The following KIF5C variants were observed in gnomAD, a reference collection of about 807,000 sequenced individuals.
KIF5C encodes the protein kinesin heavy chain isoform 5C.
A neutral mutation model predicts 125.2 loss-of-function variants in KIF5C; 18 were observed. That is an observed-to-expected ratio of 0.14 (90% CI 0.10 to 0.21). The LOEUF (loss-of-function observed/expected upper bound fraction) is 0.21, where lower values mean the gene tolerates loss of function less well. Among genes scored for constraint, KIF5C ranks in the 10% least tolerant of loss-of-function variants. The probability of loss-of-function intolerance (pLI) is 1.00; values close to 1 mark genes in which losing one functional copy is unlikely to be tolerated. For synonymous variants in KIF5C, 405 were observed against 434.0 expected, an observed-to-expected ratio of 0.93 and a Z score of 0.83; for missense variants, 780 against 1,183.8, an observed-to-expected ratio of 0.66 and a Z score of 5.01.
chr2:148,954,627 T>C lies in KIF5C; in HGVS notation c.968+4165T>C, dbSNP rs569351220. On this transcript the variant is annotated intron_variant, in intron 10 of 25. Coordinates refer to ENST00000435030, the MANE Select transcript of KIF5C (RefSeq NM_004522.3). The stretch of plus-strand genomic sequence containing the variant: ...TTTTGATTGATCCAGCATGAATAAT[T>C]TGAGGCTTTGTTTGTATGTTGAATG... 6.0e-4 allele frequency among the ~76,000 whole-genome samples: 92 copies of C among 152,300 alleles called. 2 individuals carry two copies. The highest frequency in any genetic ancestry group is 3.3e-3 in the South Asian group (16 of 4,830).
chr2:148,943,299 C>T (rs183006592), intron 7 of KIF5C, among the ~76,000 whole-genome samples: 3 of 152,270 alleles, frequency 2.0e-5, no homozygotes, highest in Admixed American at 6.5e-5. Flanking sequence ...ACATTCAGAT[C>T]GGCTCATTGG....
At chr2:148,917,826 A>G (rs556603037) in intron 1 of KIF5C, among the ~76,000 whole-genome samples, 1 of 152,212 alleles carries the variant, frequency 6.6e-6, no homozygotes, top group Non-Finnish European at 1.5e-5. Context: ...CATTCAAATC[A>G]TTGGCAGCCT....
intron 11 of KIF5C, 142 bp from the exon 12 acceptor site, chr2:148,973,194 A>T: frequency 8.2e-7 from 1 of 1,226,252 alleles, no homozygotes. Context: ...AAATAGAAGG[A>T]ACACAAACTC....
intron 1 of KIF5C, among the ~76,000 whole-genome samples, chr2:148,896,252 C>T (rs1574699328): frequency 2.6e-5 from 4 of 152,228 alleles, no homozygotes; most frequent in Admixed American, 2.6e-4. Flanking sequence ...CTCAGCGAGC[C>T]CTCCTAGAGA....
rs1682601926 is a variant in KIF5C, at chr2:149,023,716, T to G, written c.*646T>G. 6.6e-6 allele frequency: 1 copy of G among 152,508 alleles called. No individual in the cohort carries two copies. The highest frequency in any genetic ancestry group is 1.5e-5 in the Non-Finnish European group (1 of 68,042). 9.4% of individuals were successfully genotyped at this position (152,508 alleles called of 1,614,324 possible). ...CAATCTGACAGTAGCAGTGTAGAAT[T>G]TGTTCATTCAAATACATCTGTGTAA... is the stretch of plus-strand genomic sequence containing the variant. On this transcript the variant is annotated 3_prime_UTR_variant, in exon 26 of 26. Coordinates refer to ENST00000435030, the MANE Select transcript of KIF5C (RefSeq NM_004522.3).
intron 1 of KIF5C, among the ~76,000 whole-genome samples, chr2:148,918,604 C>G (rs1056951260): frequency 2.0e-5 from 3 of 151,988 alleles, no homozygotes; most frequent in Admixed American, 1.3e-4. Flanking sequence ...TGAGATAATT[C>G]TAAGGGAAAG....
At chr2:148,964,847 C>G (rs112550764) in intron 11 of KIF5C, among the ~76,000 whole-genome samples, 2 of 152,030 alleles carry the variant, frequency 1.3e-5, no homozygotes, top group African/African-American at 4.8e-5. Context: ...GTCATACCTT[C>G]GCATTTTTGA....
chr2:148,915,797 G>A (rs1681522313), intron 1 of KIF5C, among the ~76,000 whole-genome samples: 1 of 152,190 alleles, frequency 6.6e-6, no homozygotes, highest in African/African-American at 2.4e-5. Flanking sequence ...GGGAAGCGAA[G>A]GACCCATATA....
chr2:148,966,214 G>A (rs1287317701), intron 11 of KIF5C, among the ~76,000 whole-genome samples: 1 of 152,152 alleles, frequency 6.6e-6, no homozygotes, highest in Non-Finnish European at 1.5e-5. Flanking sequence ...AGTTAAAGAG[G>A]CCTTGTCAAT....
At chr2:148,997,479 G>T (rs1324201016) in intron 18 of KIF5C, 139 bp downstream of exon 18, 1 of 1,470,000 alleles carries the variant, frequency 6.8e-7, no homozygotes, top group Non-Finnish European at 9.2e-7. Context: ...TGGGCATTCA[G>T]AGTCGATCTC....
intron 25 of KIF5C, among the ~76,000 whole-genome samples, chr2:149,017,806 C>T (rs997716798): frequency 1.3e-5 from 2 of 152,210 alleles, no homozygotes; most frequent in Admixed American, 6.5e-5. Flanking sequence ...TCCCTACTTA[C>T]AGATCTTATA....
At chr2:148,988,897 A>T (rs1476026418) in intron 15 of KIF5C, among the ~76,000 whole-genome samples, 1 of 152,214 alleles carries the variant, frequency 6.6e-6, no homozygotes, top group Non-Finnish European at 1.5e-5. Context: ...CTTGCTGTTG[A>T]CATACATTCT....
intron 15 of KIF5C, 104 bp from the exon 16 acceptor site, chr2:148,990,906 A>G: frequency 3.5e-6 from 5 of 1,448,778 alleles, no homozygotes; most frequent in Non-Finnish European, 4.6e-6. Flanking sequence ...ATTCTGAACC[A>G]GAAATCCATG....
At chr2:148,899,053 A>G (rs936740210) in intron 1 of KIF5C, among the ~76,000 whole-genome samples, 2 of 152,254 alleles carry the variant, frequency 1.3e-5, no homozygotes, top group African/African-American at 4.8e-5. Flanking sequence ...AAATGGAGAC[A>G]TTATGTATAT....
chr2:148,877,059 C>T (rs770736976), intron 1 of KIF5C, among the ~76,000 whole-genome samples: 6 of 152,204 alleles, frequency 3.9e-5, no homozygotes, highest in Non-Finnish European at 7.3e-5. Flanking sequence ...CGCCAGAGGC[C>T]GACGTTTTCC....
rs978082599 is a variant in KIF5C at position 149,024,393 on chromosome 2, A to G, written c.*1323A>G. On this transcript the variant is annotated 3_prime_UTR_variant, in exon 26 of 26. Coordinates refer to ENST00000435030, the MANE Select transcript of KIF5C (RefSeq NM_004522.3). ...TCTCGGTGGAAACTCCTATCCTATC[A>G]TGTTGTGTGCCCAAGATGAGTGAGC... 6 of 152,468 alleles carry G rather than the reference A, an allele frequency of 3.9e-5. No individual in the cohort carries two copies. In the Admixed American group the frequency reaches 3.9e-4, roughly 10 times the overall value. The allele number at this position is 152,468 out of a possible 1,614,324, so 9.4% of individuals were successfully genotyped here.
At chr2:148,970,959 G>A (rs892347117) in intron 11 of KIF5C, among the ~76,000 whole-genome samples, 11 of 152,164 alleles carry the variant, frequency 7.2e-5, no homozygotes, top group African/African-American at 2.7e-4. Flanking sequence ...CCATGTTCTG[G>A]TTGGTGTCTG....
rs1682689157 is a variant in KIF5C, at chr2:149,026,531, G to C, written c.*3461G>C. The C allele has an allele frequency of 6.6e-6, 1 of 152,536 alleles. No homozygotes were observed. Among genetic ancestry groups the C allele is most frequent in the South Asian group, 2.1e-4 (1 of 4,820 alleles). 9.4% of individuals were successfully genotyped at this position (152,536 alleles called of 1,614,324 possible). ...GTAGCTTTCACATTAAAAAAATTGT[G>C]GACAAACTTGTCCGGGGGGTTTGAG... On this transcript the variant is annotated 3_prime_UTR_variant, in exon 26 of 26. Coordinates refer to ENST00000435030, the MANE Select transcript of KIF5C (RefSeq NM_004522.3).
At chr2:148,875,840 G>A (rs974247126) in intron 1 of KIF5C, 97 bp downstream of exon 1, 17 of 1,478,168 alleles carry the variant, frequency 1.2e-5, no homozygotes, top group Non-Finnish European at 1.5e-5. Flanking sequence ...CCGCCCCCTC[G>A]GACATTCCCG....
Sources: gnomAD v4.1 joint callset for allele counts (sites outside exome capture counted in the v4.1 genomes callset) on GRCh38, gnomAD v4.1.1 for gene constraint, MANE v1.5 for transcripts, NCBI Gene and HGNC (gene_info 2026-07-23, HGNC 2026-07-21) for gene names.